Variants in CSMD1 observed in about 807,000 individuals in gnomAD.
CSMD1 encodes CUB and Sushi multiple domains 1, also known as CUB and sushi domain-containing protein 1.
In CSMD1, 213 loss-of-function variants were observed where a neutral mutation model predicts 417.5. The observed-to-expected ratio is 0.51, with a 90% CI of 0.46 to 0.57. The LOEUF (loss-of-function observed/expected upper bound fraction) is 0.57, where lower values mean the gene tolerates loss of function less well. Among genes scored for constraint, CSMD1 ranks in the 20% least tolerant of loss-of-function variants. CSMD1 has a pLI of 0.00. For synonymous variants in CSMD1, 2,862 were observed against 1,736.8 expected (o/e 1.65, Z -16.11); for missense variants, 6,923 against 4,529.7 (o/e 1.53, Z -15.17).
intron 3 of CSMD1, among the ~76,000 whole-genome samples, chr8:4,270,230 A>G (rs1421776437): frequency 2.0e-5 from 3 of 152,088 alleles, no homozygotes; most frequent in Non-Finnish European, 4.4e-5. Flanking sequence ...CACACCAGGC[A>G]TTTCTTTCTC....
intron 3 of CSMD1, among the ~76,000 whole-genome samples, chr8:4,247,133 C>G (rs188554381): frequency 4.5e-4 from 69 of 152,350 alleles, no homozygotes; most frequent in African/African-American, 1.6e-3. Flanking sequence ...GGAAATCACA[C>G]CGTCCTCAAT....
At chr8:3,358,046 C>A (rs11136612) in intron 21 of CSMD1, among the ~76,000 whole-genome samples, 17,676 of 152,106 alleles carry the variant, frequency 0.12, 1,198 homozygotes, top group African/African-American at 0.2. Context: ...AAATCTGCCC[C>A]AAAGGCAGAA....
chr8:3,734,661 A>T (rs1339844405), intron 6 of CSMD1, among the ~76,000 whole-genome samples: 1 of 152,302 alleles, frequency 6.6e-6, no homozygotes, highest in South Asian at 2.1e-4. Flanking sequence ...CAGTGAGCCA[A>T]AACTACGCCA....
chr8:3,945,734 G>A (rs528461453), intron 5 of CSMD1, among the ~76,000 whole-genome samples: 16 of 152,122 alleles, frequency 1.1e-4, no homozygotes, highest in African/African-American at 3.9e-4. Context: ...AGGTTACTAG[G>A]GGATAGAAAA....
intron 8 of CSMD1, among the ~76,000 whole-genome samples, chr8:3,602,130 G>C (rs1302798595): frequency 1.3e-5 from 2 of 152,262 alleles, no homozygotes; most frequent in Non-Finnish European, 2.9e-5. Flanking sequence ...ACTTAAAATG[G>C]TCAGGATGCT....
chr8:4,002,400 G>C (rs760594194), intron 4 of CSMD1, among the ~76,000 whole-genome samples: 3 of 152,060 alleles, frequency 2.0e-5, no homozygotes, highest in Non-Finnish European at 4.4e-5. Context: ...ATTTGAAGAA[G>C]AGCTACCTAA....
chr8:4,325,620 G>A (rs1356455242), intron 3 of CSMD1, among the ~76,000 whole-genome samples: 2 of 152,150 alleles, frequency 1.3e-5, no homozygotes, highest in African/African-American at 2.4e-5. Flanking sequence ...GAAAGCATCT[G>A]AAGATTTTTT....
intron 4 of CSMD1, among the ~76,000 whole-genome samples, chr8:4,000,331 A>G (rs1815569791): frequency 6.6e-6 from 1 of 152,260 alleles, no homozygotes; most frequent in African/African-American, 2.4e-5. Context: ...TTTTTATTAC[A>G]TTCTTGGGAA....
rs187786738 is a variant in CSMD1 at position 3,487,423 on chromosome 8, G to C, written c.1448+6200C>G. Among the ~76,000 whole-genome samples the C allele has an allele frequency of 8.5e-3, 1,296 of 152,110 alleles. 22 individuals carry two copies. The highest frequency in any genetic ancestry group is 0.029 in the African/African-American group (1,201 of 41,488). ...TCACCATGTTAGCCAGGATGGTCTC[G>C]TTCTCCTGACCTCGTGATCTGCCCG... On this transcript the variant is annotated intron_variant, in intron 11 of 69. Transcript: ENST00000635120.
intron 3 of CSMD1, among the ~76,000 whole-genome samples, chr8:4,380,242 C>T (rs572174412): frequency 3.3e-5 from 5 of 152,298 alleles, no homozygotes; most frequent in Non-Finnish European, 7.4e-5. Flanking sequence ...AGTAACCTTG[C>T]AGTGGACAAG....
intron 1 of CSMD1, among the ~76,000 whole-genome samples, chr8:4,922,656 T>A (rs1006034361): frequency 6.6e-6 from 1 of 152,176 alleles, no homozygotes; most frequent in Non-Finnish European, 1.5e-5. Context: ...GTTCACATGG[T>A]GCAGCCTGGG....
At chr8:3,426,272 G>C (rs917013628) in intron 12 of CSMD1, among the ~76,000 whole-genome samples, 1 of 152,132 alleles carries the variant, frequency 6.6e-6, no homozygotes, top group Non-Finnish European at 1.5e-5. Context: ...CATCACATGA[G>C]TTAAATTATT....
intron 5 of CSMD1, among the ~76,000 whole-genome samples, chr8:3,868,873 G>A (rs537967853): frequency 9.2e-5 from 14 of 152,204 alleles, no homozygotes; most frequent in African/African-American, 2.2e-4. Flanking sequence ...TGTTACCATC[G>A]TCTTCTAATT....
chr8:3,806,183 G>A (rs1800729677), intron 5 of CSMD1, among the ~76,000 whole-genome samples: 4 of 152,230 alleles, frequency 2.6e-5, no homozygotes, highest in African/African-American at 7.2e-5. Flanking sequence ...ACCTTGGGTC[G>A]TCCATTCAAA....
At chr8:3,710,679 G>A (rs4518695) in intron 6 of CSMD1, among the ~76,000 whole-genome samples, 44,941 of 151,920 alleles carry the variant, frequency 0.3, 6,805 homozygotes, top group East Asian at 0.49. Context: ...GAAACCATGT[G>A]TTAGCCTCTT....
At position 3,510,923 on chromosome 8, in the gene CSMD1, A is replaced by C. The variant is rs190739260; in HGVS notation, c.1345-17197T>G. Among the ~76,000 whole-genome samples the C allele has an allele frequency of 2.4e-3, 366 of 151,936 alleles. 8 individuals are homozygous for C. Among genetic ancestry groups the C allele is most frequent in the African/African-American group, 8.1e-3 (333 of 41,198 alleles). On this transcript the variant is annotated intron_variant, in intron 10 of 69. Transcript: ENST00000635120. ...GATATTAGCCCTTCGTCAGAGATAC[A>C]TGCACACGTATGTTTACTGCAGCAC...
At chr8:3,427,592 A>T (rs1487720524) in intron 12 of CSMD1, among the ~76,000 whole-genome samples, 1 of 152,222 alleles carries the variant, frequency 6.6e-6, no homozygotes, top group Admixed American at 6.5e-5. Flanking sequence ...GATATGAAAC[A>T]ATCTATTTGA....
At chr8:3,008,284 C>T (rs1808113035) in intron 52 of CSMD1, among the ~76,000 whole-genome samples, 1 of 152,118 alleles carries the variant, frequency 6.6e-6, no homozygotes, top group Non-Finnish European at 1.5e-5. Context: ...GGCTGAATTC[C>T]CTTTGTGAGG....
chr8:3,924,994 T>G (rs2627402), intron 5 of CSMD1, among the ~76,000 whole-genome samples: 59,148 of 151,948 alleles, frequency 0.39, 11,532 homozygotes, highest in Middle Eastern at 0.51. Context: ...CTTTAGTCCT[T>G]GCTGACTGGT....
Sources: allele counts gnomAD v4.1 joint callset (sites outside exome capture counted in the v4.1 genomes callset), GRCh38; gene constraint gnomAD v4.1.1; transcripts MANE v1.5; gene names NCBI Gene and HGNC (gene_info 2026-07-23, HGNC 2026-07-21).